TBXAS1: variants seen among roughly 807,000 people sequenced by gnomAD.
TBXAS1 encodes thromboxane A synthase 1, also known as thromboxane-A synthase.
In TBXAS1, 48 loss-of-function variants were observed where a neutral mutation model predicts 60.7. That is an observed-to-expected ratio of 0.79 (90% confidence interval 0.63 to 1.01). TBXAS1 has a LOEUF of 1.01. Among genes scored for constraint, TBXAS1 ranks in the 50% least tolerant of loss-of-function variants. The pLI, the probability that TBXAS1 is intolerant of heterozygous loss-of-function variation, is 0.00. For missense variants in TBXAS1, 685 were observed against 686.3 expected (o/e 1.00, Z 0.02); for synonymous variants, 287 against 269.7 (o/e 1.06, Z -0.63).
intron 11 of TBXAS1, chr7:140,016,815 T>C (rs1422894113): frequency 6.5e-6 from 1 of 152,766 alleles, no homozygotes; most frequent in Non-Finnish European, 1.5e-5. Context: ...TCACCTTTCA[T>C]GGCTCCAACT....
At chr7:139,955,665 A>G in intron 7 of TBXAS1, 58 bp downstream of exon 7, 4 of 1,609,446 alleles carry the variant, frequency 2.5e-6, no homozygotes, top group Non-Finnish European at 3.4e-6. Flanking sequence ...GGCAGACCCC[A>G]TGACACCTGG....
intron 1 of TBXAS1, among the ~76,000 whole-genome samples, chr7:139,847,846 G>A (rs984003376): frequency 1.3e-5 from 2 of 152,122 alleles, no homozygotes; most frequent in African/African-American, 2.4e-5. Flanking sequence ...TTTTGAAATA[G>A]GATCTTGCTC....
chr7:139,830,484 T>A (rs755268944), intron 1 of TBXAS1, among the ~76,000 whole-genome samples: 1 of 152,210 alleles, frequency 6.6e-6, no homozygotes. Context: ...TCTTGGAAAT[T>A]GGCTCTGAAA....
chr7:140,006,177 A>G (rs1423444737), intron 9 of TBXAS1, among the ~76,000 whole-genome samples: 2 of 152,238 alleles, frequency 1.3e-5, no homozygotes, highest in Non-Finnish European at 2.9e-5. Flanking sequence ...AGCATTATCT[A>G]GGTGAAGAAA....
intron 9 of TBXAS1, among the ~76,000 whole-genome samples, chr7:139,980,809 T>C (rs999557559): frequency 1.3e-5 from 2 of 152,042 alleles, no homozygotes; most frequent in East Asian, 3.9e-4. Context: ...TTAAGGCCAC[T>C]TGGCTTCCGG....
At chr7:139,912,509 T>A (rs1221782730) in intron 4 of TBXAS1, among the ~76,000 whole-genome samples, 1 of 152,144 alleles carries the variant, frequency 6.6e-6, no homozygotes, top group Non-Finnish European at 1.5e-5. Context: ...CTTTTGTTGA[T>A]TATGTGGCAA....
At chr7:139,849,084 C>G (rs554571743) in intron 1 of TBXAS1, among the ~76,000 whole-genome samples, 1 of 152,120 alleles carries the variant, frequency 6.6e-6, no homozygotes, top group East Asian at 1.9e-4. Flanking sequence ...AAAAAAACAA[C>G]AGGCCAGGCA....
At chr7:139,910,168 T>C (rs1435426294) in intron 3 of TBXAS1, among the ~76,000 whole-genome samples, 1 of 152,214 alleles carries the variant, frequency 6.6e-6, no homozygotes, top group African/African-American at 2.4e-5. Flanking sequence ...TTGTCTCTCC[T>C]GTCAGATAGT....
Position 140,013,125 on chromosome 7 carries a change from A to G in TBXAS1, c.1227-2598A>G, listed in dbSNP as rs559363337. Among the ~76,000 whole-genome samples the G allele has an allele frequency of 4.0e-4, 61 of 152,202 alleles. No individual in the cohort carries two copies. Among genetic ancestry groups the G allele is most frequent in the African/African-American group, 1.4e-3 (60 of 41,520 alleles). ...AAGAAATTGGGGCAAGATGTATGAC[A>G]TAACAATTTAGGAATGAGTGAATAC... On this transcript the variant is annotated intron_variant, in intron 10 of 12. Transcript: ENST00000448866. The surrounding 1 kb of genome is among the most constrained non-coding windows in gnomAD (Gnocchi z 4.2).
intron 1 of TBXAS1, among the ~76,000 whole-genome samples, chr7:139,835,233 T>C (rs1288735150): frequency 6.6e-6 from 1 of 152,020 alleles, no homozygotes; most frequent in Non-Finnish European, 1.5e-5. Flanking sequence ...CGCTGGCTAA[T>C]TTTTTGTATT....
chr7:139,917,887 A>T (rs749175479), intron 4 of TBXAS1, among the ~76,000 whole-genome samples: 2 of 152,182 alleles, frequency 1.3e-5, no homozygotes, highest in Admixed American at 1.3e-4. Context: ...TATTTATGCC[A>T]TATTTCCCTA....
chr7:139,782,888 CTTTAT>C (rs1797047593), intron 3 of TBXAS1, among the ~76,000 whole-genome samples: 1 of 152,082 alleles, frequency 6.6e-6, no homozygotes, highest in African/African-American at 2.4e-5. Context: ...CTTCCTCTCC[CTTTAT>C]TTTAATTCTG....
chr7:139,953,499 C>A (rs745550903), intron 6 of TBXAS1, 43 bp downstream of exon 6: 1 of 1,566,010 alleles, frequency 6.4e-7, no homozygotes, highest in South Asian at 1.1e-5. Context: ...GTTTTTGAAT[C>A]ACTGCTTCTT....
At chr7:139,914,122 T>C (rs1194161390) in intron 4 of TBXAS1, 1 of 150,606 alleles carries the variant, frequency 6.6e-6, no homozygotes, top group East Asian at 1.9e-4. Flanking sequence ...CTCAAACTCC[T>C]GGGCCCAAGT....
intron 1 of TBXAS1, among the ~76,000 whole-genome samples, chr7:139,835,898 G>A (rs2116527981): frequency 6.6e-6 from 1 of 152,152 alleles, no homozygotes; most frequent in East Asian, 1.9e-4. Flanking sequence ...CCTCCAGAAA[G>A]CTCCTAGAAC....
intron 3 of TBXAS1, among the ~76,000 whole-genome samples, chr7:139,786,148 C>A (rs1797188438): frequency 6.6e-6 from 1 of 150,712 alleles, no homozygotes; most frequent in Non-Finnish European, 1.5e-5. Flanking sequence ...AACATTAGGT[C>A]CATCACTTTT....
Position 139,853,718 on chromosome 7 carries a change from T to C in TBXAS1, c.90-18517T>C, listed in dbSNP as rs571749901. 2.6e-5 allele frequency among the ~76,000 whole-genome samples: 4 copies of C among 152,244 alleles called. No homozygotes were observed. In the South Asian group the frequency reaches 8.3e-4, roughly 32 times the overall value. ...GCAGATGTCCCTCTTTCACCACAAG[T>C]CTCAGGGGTTCTTTAAGGACTTCAT... is the stretch of plus-strand genomic sequence containing the variant. On this transcript the variant is annotated intron_variant, in intron 1 of 12. Transcript: ENST00000448866.
rs1810387932 is a variant in TBXAS1 at position 139,961,963 on chromosome 7, T to TC, written c.864_865insC (p.Ala289ArgfsTer10). The TC allele has an allele frequency of 6.2e-7, 1 of 1,614,262 alleles. No individual in the cohort carries two copies. Among genetic ancestry groups the TC allele is most frequent in the Non-Finnish European group, 8.5e-7 (1 of 1,180,030 alleles). On this transcript the variant is annotated frameshift_variant, in exon 9 of 13. Coordinates refer to ENST00000448866, the MANE Select transcript of TBXAS1 (RefSeq NM_001061.7). LOFTEE classifies it high-confidence loss of function. ...AAATGGTCCTGGATGCCCGACATTCTGCAAGTCCCATGGGCGTGCAAGACT... is the reference window on the plus strand; with the variant it reads ...AAATGGTCCTGGATGCCCGACATTCTCGCAAGTCCCATGGGCGTGCAAGACT...
At chr7:139,924,131 T>C (rs1806702055) in intron 4 of TBXAS1, among the ~76,000 whole-genome samples, 1 of 152,252 alleles carries the variant, frequency 6.6e-6, no homozygotes, top group Admixed American at 6.5e-5. Flanking sequence ...TTTGATATAC[T>C]GATTTCCTTT....
Sources: allele counts gnomAD v4.1 joint callset (sites outside exome capture counted in the v4.1 genomes callset), GRCh38; gene constraint gnomAD v4.1.1; non-coding constraint Gnocchi (gnomAD v3.1); transcripts MANE v1.5; gene names NCBI Gene and HGNC (gene_info 2026-07-23, HGNC 2026-07-21).